The following SNX13 variants were observed in gnomAD, a reference collection of about 807,000 sequenced individuals.
The protein encoded by SNX13 is sorting nexin 13, also known as sorting nexin-13.
In SNX13, 45 loss-of-function variants were observed where a neutral mutation model predicts 133.6. The ratio of observed to expected loss-of-function variants is 0.34; its 90% CI spans 0.27 to 0.43. The LOEUF (loss-of-function observed/expected upper bound fraction) is 0.43, where lower values mean the gene tolerates loss of function less well. Ranked by LOEUF, SNX13 falls within the 20% of genes least tolerant of loss-of-function variation. The pLI, the probability that SNX13 is intolerant of heterozygous loss-of-function variation, is 1.00. For missense variants in SNX13, 1,032 were observed against 1,145.1 expected (o/e 0.90, Z 1.43); for synonymous variants, 414 against 373.9 (o/e 1.11, Z -1.24).
At chr7:17,864,189 G>A (rs1240503001) in intron 9 of SNX13, among the ~76,000 whole-genome samples, 1 of 151,986 alleles carries the variant, frequency 6.6e-6, no homozygotes, top group African/African-American at 2.4e-5. Flanking sequence ...ACTAAATAAG[G>A]CACCAATGAC....
Position 17,813,879 on chromosome 7 carries a change from C to T in SNX13, c.2064+955G>A, listed in dbSNP as rs562955633. Among the ~76,000 whole-genome samples, 8 of 152,284 alleles carry T rather than the reference C, an allele frequency of 5.3e-5. No homozygotes were observed. The South Asian group carries it at 1.7e-3, about 32-fold the overall frequency. On this transcript the variant is annotated intron_variant, in intron 20 of 25. Transcript: ENST00000428135. The stretch of plus-strand genomic sequence containing the variant: ...GGGATTACAGGCATGAGCCACTGTG[C>T]TTGGCCCAAACTTCCTATAATTGTT...
At chr7:17,834,915 A>T in intron 13 of SNX13, 50 bp from the exon 14 acceptor site, 1 of 1,033,878 alleles carries the variant, frequency 9.7e-7, no homozygotes, top group Non-Finnish European at 1.5e-6. Context: ...TTAATACAAG[A>T]TGATACTTGA....
intron 16 of SNX13, among the ~76,000 whole-genome samples, chr7:17,828,123 A>G (rs1197221719): frequency 6.6e-6 from 1 of 151,736 alleles, no homozygotes; most frequent in East Asian, 1.9e-4. Flanking sequence ...GTCTCTTAAA[A>G]TATGCAATTA....
intron 5 of SNX13, chr7:17,882,189 G>C (rs1795424329): frequency 6.6e-6 from 1 of 152,110 alleles, no homozygotes; most frequent in Non-Finnish European, 1.5e-5. Flanking sequence ...TCACTTAGCT[G>C]TATCCTCTCC....
chr7:17,928,782 G>C (rs181322003), intron 1 of SNX13, among the ~76,000 whole-genome samples: 74 of 152,224 alleles, frequency 4.9e-4, no homozygotes, highest in Non-Finnish European at 9.4e-4. Context: ...CAATGACTCT[G>C]ACCCTGAAAA....
intron 8 of SNX13, among the ~76,000 whole-genome samples, 168 bp downstream of exon 8, chr7:17,873,360 T>C (rs1035992795): frequency 6.6e-6 from 1 of 152,230 alleles, no homozygotes; most frequent in African/African-American, 2.4e-5. Flanking sequence ...TTTTAAAAAT[T>C]TCTTAGTCTT....
At chr7:17,938,475 T>G (rs1448466319) in intron 1 of SNX13, among the ~76,000 whole-genome samples, 2 of 152,238 alleles carry the variant, frequency 1.3e-5, no homozygotes, top group African/African-American at 2.4e-5. Context: ...AATCTGGGTC[T>G]TACTTTGGCG....
intron 1 of SNX13, among the ~76,000 whole-genome samples, chr7:17,938,231 T>C (rs1236358069): frequency 2.0e-5 from 3 of 152,184 alleles, no homozygotes; most frequent in Non-Finnish European, 2.9e-5. Context: ...TTACTGACAA[T>C]ATTCAGACAA....
intron 1 of SNX13, chr7:17,899,329 G>C (rs1479720804): frequency 6.6e-6 from 1 of 152,034 alleles, no homozygotes; most frequent in Non-Finnish European, 1.5e-5. Flanking sequence ...TAACCTTCTT[G>C]TATTTTAATA....
intron 4 of SNX13, among the ~76,000 whole-genome samples, chr7:17,891,273 C>T (rs542146310): frequency 6.6e-6 from 1 of 152,032 alleles, no homozygotes; most frequent in East Asian, 1.9e-4. Flanking sequence ...AAGAGTAACA[C>T]TTTAACTGTA....
At chr7:17,796,982 T>C in intron 24 of SNX13, 43 bp from the exon 25 acceptor site, 1 of 1,337,374 alleles carries the variant, frequency 7.5e-7, no homozygotes, top group Non-Finnish European at 1.1e-6. Context: ...ATTTTCATTT[T>C]CTAATGATAC....
At chr7:17,928,271 G>A (rs1370766310) in intron 1 of SNX13, among the ~76,000 whole-genome samples, 1 of 152,158 alleles carries the variant, frequency 6.6e-6, no homozygotes, top group Non-Finnish European at 1.5e-5. Flanking sequence ...GAGGCAGGAA[G>A]GTTGCTTGGG....
intron 1 of SNX13, among the ~76,000 whole-genome samples, chr7:17,909,954 T>C (rs1033506468): frequency 3.9e-5 from 6 of 152,196 alleles, no homozygotes; most frequent in African/African-American, 1.2e-4. Flanking sequence ...TCAAATATAA[T>C]ACAAGAAATT....
At chr7:17,929,497 T>C (rs1770515702) in intron 1 of SNX13, among the ~76,000 whole-genome samples, 1 of 152,076 alleles carries the variant, frequency 6.6e-6, no homozygotes, top group African/African-American at 2.4e-5. Context: ...ACAATACTAT[T>C]AACACCACTC....
intron 16 of SNX13, among the ~76,000 whole-genome samples, chr7:17,828,169 T>G (rs1788113984): frequency 6.6e-6 from 1 of 151,752 alleles, no homozygotes. Flanking sequence ...ATGAAAACTT[T>G]GGAAAAACAT....
At chr7:17,799,523 CAAGAAT>C (rs1784402985) in intron 22 of SNX13, among the ~76,000 whole-genome samples, 1 of 151,632 alleles carries the variant, frequency 6.6e-6, no homozygotes, top group Non-Finnish European at 1.5e-5. Context: ...ATCTTTTTCA[CAAGAAT>C]AAGATATTCT....
At chr7:17,831,660 A>T in intron 15 of SNX13, 1 of 984,280 alleles carries the variant, frequency 1.0e-6, no homozygotes, top group Non-Finnish European at 1.2e-6. Flanking sequence ...AATCAGCTGT[A>T]CATTAATCCC....
At chr7:17,800,092 T>C (rs1784455404) in intron 22 of SNX13, among the ~76,000 whole-genome samples, 2 of 151,656 alleles carry the variant, frequency 1.3e-5, no homozygotes, top group African/African-American at 4.8e-5. Flanking sequence ...TGAGACAGAA[T>C]AAAAACTTCT....
chr7:17,853,662 G>A (rs533800667), intron 9 of SNX13, among the ~76,000 whole-genome samples: 7 of 152,318 alleles, frequency 4.6e-5, no homozygotes, highest in Non-Finnish European at 7.3e-5. Context: ...ATTGGCAATA[G>A]GCCAGGCACA....
Sources: allele counts gnomAD v4.1 joint callset (sites outside exome capture counted in the v4.1 genomes callset), GRCh38; gene constraint gnomAD v4.1.1; transcripts MANE v1.5; gene names NCBI Gene and HGNC (gene_info 2026-07-23, HGNC 2026-07-21).